The following TRIML1 variants were observed in gnomAD, a reference collection of about 807,000 sequenced individuals.
TRIML1 encodes the protein tripartite motif family like 1.
A neutral mutation model predicts 32.3 loss-of-function variants in TRIML1; 34 were observed. The observed-to-expected ratio is 1.05, with a 90% CI of 0.80 to 1.40. The LOEUF is 1.40. TRIML1 is among the 40% of genes most tolerant of loss of function. The pLI, the probability that TRIML1 is intolerant of heterozygous loss-of-function variation, is 0.00. For missense variants in TRIML1, 595 were observed against 574.9 expected (o/e 1.03, Z -0.36); for synonymous variants, 244 against 226.6 (o/e 1.08, Z -0.69).
Position 188,142,487 on chromosome 4 carries a change from G to T in TRIML1, c.735+5G>T. 6.2e-7 allele frequency: 1 copy of T among 1,607,380 alleles called. No homozygotes were observed. The highest frequency in any genetic ancestry group is 8.5e-7 in the Non-Finnish European group (1 of 1,174,824). On this transcript the variant is annotated splice_donor_5th_base_variant and intron_variant, in intron 3 of 5. Transcript: ENST00000332517. ...TCGGCTTTCGAATCTCTTGAGGTGA[G>T]AATAACATTCATGAGAGTAATGGGA...
chr4:188,144,080 A>T lies in TRIML1; in HGVS notation c.803A>T (p.Glu268Val). 6.2e-7 allele frequency: 1 copy of T among 1,614,078 alleles called. No individual in the cohort carries two copies. The highest frequency in any genetic ancestry group is 8.5e-7 in the Non-Finnish European group (1 of 1,180,026). Residue 268 changes from glutamate (E) to valine (V), a missense_variant, in exon 5 of 6, where the codon GAG becomes GTG. Transcript: ENST00000332517. ...CAGTGTCCAGAGGCCACCACCACAG[A>T]GCTGAGTCTGTGCCGCATCACGGGA... ...LLQCPEATTT[E>V]LSLCRITGMK...
chr4:188,147,313 C>G lies in TRIML1; in HGVS notation c.1348C>G (p.Pro450Ala), dbSNP rs1735124716. Residue 450 changes from proline (P) to alanine (A), a missense_variant, in exon 6 of 6, where the codon CCA becomes GCA. By Grantham distance (27) the Pro-to-Ala change is conservative. Transcript: ENST00000332517. ...ALRPIFSPCL[P>A]NEGTNTDPLT... ...CAGGCCTATCTTTTCCCCCTGCCTC[C>G]CAAATGAGGGGACAAACACAGACCC... is the stretch of plus-strand genomic sequence containing the variant. The G allele has an allele frequency of 6.5e-7, 1 of 1,535,604 alleles. No homozygotes were observed. The highest frequency in any genetic ancestry group is 1.4e-5 in the African/African-American group (1 of 72,266).
upstream of TRIML1, chr4:188,139,435 T>C (rs1267031678): frequency 8.5e-6 from 8 of 941,710 alleles, no homozygotes; most frequent in Non-Finnish European, 1.1e-5. Context: ...GAGATAAGGG[T>C]TTCTTGTCAT....
rs61461219 is a variant in TRIML1, at chr4:188,142,207, C to CGTGTGTGTGTGTGT, written c.505-22_505-9dup. ...GGCATTTCTCTTACTAACTTTATCT[C>CGTGTGTGTGTGTGT]GTGTGTGTGTGTGTGTGTGTGTGTG... On this transcript the variant is annotated intron_variant, in intron 2 of 5. Transcript: ENST00000332517. 1,304 of 1,014,696 alleles carry CGTGTGTGTGTGTGT rather than the reference C, an allele frequency of 1.3e-3. 18 individuals are homozygous for CGTGTGTGTGTGTGT. The African/African-American group carries it at 0.021, about 17-fold the overall frequency. The allele number at this position is 1,014,696 out of a possible 1,614,324, so 62.9% of individuals were successfully genotyped here. A position where few individuals can be genotyped will look rare whatever the true frequency, so the allele number is the denominator to read the frequency against.
chr4:188,139,885 G>T lies in TRIML1; in HGVS notation c.327G>T (p.Glu109Asp). The change falls in exon 1 of 6, where the codon GAG becomes GAT. Residue 109 changes from glutamate (E) to aspartate (D), a missense_variant. By Grantham distance (45) the Glu-to-Asp change is conservative. Coordinates refer to ENST00000332517, the MANE Select transcript of TRIML1 (RefSeq NM_178556.5). The part of the protein sequence containing the change: ...PTTAKALSDD[E>D]QGGSAFVAQS... ...CTGCCAAGGCGCTCTCCGATGACGA[G>T]CAGGGTGGAAGCGCCTTCGTAGCCC... The T allele has an allele frequency of 6.2e-7, 1 of 1,613,886 alleles. No individual in the cohort carries two copies. Among genetic ancestry groups the T allele is most frequent in the Non-Finnish European group, 8.5e-7 (1 of 1,180,034 alleles).
intron 3 of TRIML1, chr4:188,143,481 G>T (rs2111231346): frequency 3.2e-6 from 1 of 312,048 alleles, no homozygotes; most frequent in South Asian, 3.3e-5. Context: ...CCTGACACAG[G>T]CTTGGTTAGC....
rs893470878 is a variant in TRIML1 at position 188,147,335 on chromosome 4, A to C, written c.1370A>C (p.Asp457Ala). ...PCLPNEGTNT[D>A]PLTICSLNSH... ...CTCCCAAATGAGGGGACAAACACAGACCCTCTCACCATCTGCTCACTGAAC... is the reference window on the plus strand; with the variant it reads ...CTCCCAAATGAGGGGACAAACACAGCCCCTCTCACCATCTGCTCACTGAAC... Residue 457 changes from aspartate to alanine, a missense_variant, in exon 6 of 6, where the codon GAC becomes GCC. Asp to Ala is a moderately radical substitution (Grantham distance 126). Transcript: ENST00000332517. 6.6e-7 allele frequency: 1 copy of C among 1,514,392 alleles called. No individual in the cohort carries two copies. Among genetic ancestry groups the C allele is most frequent in the Non-Finnish European group, 8.8e-7 (1 of 1,133,124 alleles). 93.8% of individuals were successfully genotyped at this position (1,514,392 alleles called of 1,614,324 possible).
At position 188,147,392 on chromosome 4, in the gene TRIML1, C is replaced by G. The variant is rs756445437; in HGVS notation, c.*20C>G. ...GTCTGAGGGGCGTGCCCTGAGCCGT[C>G]ACAGCGGGCGATGTCTGAGACCAAG... On this transcript the variant is annotated 3_prime_UTR_variant, in exon 6 of 6. Coordinates refer to ENST00000332517, the MANE Select transcript of TRIML1 (RefSeq NM_178556.5). 5 of 1,460,852 alleles carry G rather than the reference C, an allele frequency of 3.4e-6. No individual in the cohort carries two copies. In the South Asian group the frequency reaches 7.8e-5, roughly 23 times the overall value. 90.5% of individuals were successfully genotyped at this position (1,460,852 alleles called of 1,614,324 possible).
Position 188,139,974 on chromosome 4 carries a change from A to T in TRIML1, c.408+8A>T, listed in dbSNP as rs760915322. On this transcript the variant is annotated splice_region_variant and intron_variant, in intron 1 of 5. Transcript: ENST00000332517. ...GCTGAGGAGCATCACAGAGTAAGAC[A>T]GCTGCTCAGCATGAACCCCACGACT... is the stretch of plus-strand genomic sequence containing the variant. 1 of 1,591,888 alleles carries T rather than the reference A, an allele frequency of 6.3e-7. No individual in the cohort carries two copies. Among genetic ancestry groups the T allele is most frequent in the East Asian group, 2.2e-5 (1 of 44,562 alleles).
intron 2 of TRIML1, 45 bp from the exon 3 acceptor site, chr4:188,142,207 C>CGTGT (rs61461219): frequency 0.077 from 77,242 of 1,000,708 alleles, 1,148 homozygotes; most frequent in Admixed American, 0.1. Flanking sequence ...AACTTTATCT[C>CGTGT]GTGTGTGTGT....
intron 3 of TRIML1, 148 bp from the exon 4 acceptor site, chr4:188,143,690 C>A: frequency 1.1e-6 from 1 of 890,488 alleles, no homozygotes; most frequent in Non-Finnish European, 1.8e-6. Context: ...AAACTGGGGA[C>A]GCTTTTCTCT....
intron 2 of TRIML1, among the ~76,000 whole-genome samples, chr4:188,141,836 G>A (rs907394634): frequency 2.0e-5 from 3 of 152,042 alleles, no homozygotes; most frequent in Non-Finnish European, 4.4e-5. Context: ...GACTTGGCCA[G>A]GCATGGTGGC....
downstream of TRIML1, among the ~76,000 whole-genome samples, chr4:188,149,100 T>TA (rs1396864673): frequency 6.6e-6 from 1 of 151,390 alleles, no homozygotes; most frequent in African/African-American, 2.4e-5. Context: ...TTTTTTTTTT[T>TA]AGTAGAGACG....
At chr4:188,149,161 C>T (rs1166069219), downstream of TRIML1, among the ~76,000 whole-genome samples, 3 of 151,452 alleles carry the variant, frequency 2.0e-5, no homozygotes, top group Non-Finnish European at 4.4e-5. Context: ...CCTCGTGATC[C>T]ACCCGCCTCC....
Position 188,146,883 on chromosome 4 carries a change from G to T in TRIML1, c.918G>T (p.Lys306Asn), listed in dbSNP as rs747228509. Reference sequence around the variant, plus strand: ...ATCTCGTGTTGTCGGAGGATCTGAAGAGTGTGAAATATGGGGGAAGCAGAC... The same window carrying T: ...ATCTCGTGTTGTCGGAGGATCTGAATAGTGTGAAATATGGGGGAAGCAGAC... ...NAYLVLSEDL[K>N]SVKYGGSRQQ... The change falls in exon 6 of 6, where the codon AAG becomes AAT. Residue 306 changes from lysine (K) to asparagine (N), a missense_variant. Transcript: ENST00000332517. The T allele has an allele frequency of 1.3e-6, 2 of 1,487,672 alleles. No homozygotes were observed. The highest frequency in any genetic ancestry group is 1.4e-5 in the African/African-American group (1 of 70,974). 92.2% of individuals were successfully genotyped at this position (1,487,672 alleles called of 1,614,324 possible).
Position 188,140,550 on chromosome 4 carries a change from A to G in TRIML1, c.431A>G (p.Asn144Ser). 1 of 1,614,086 alleles carries G rather than the reference A, an allele frequency of 6.2e-7. No individual in the cohort carries two copies. Among genetic ancestry groups the G allele is most frequent in the Non-Finnish European group, 8.5e-7 (1 of 1,179,938 alleles). ...HHREKLQEIL[N>S]LLRVRRKEAQ... ...CAGGAGAAACTCCAGGAAATCCTGA[A>G]TCTTTTGCGTGTAAGGAGAAAGGAA... is the stretch of plus-strand genomic sequence containing the variant. The change falls in exon 2 of 6, where the codon AAT becomes AGT. Residue 144 changes from asparagine (N) to serine (S), a missense_variant. Physicochemically the swap from Asn to Ser is conservative, Grantham distance 46. Transcript: ENST00000332517.
chr4:188,140,473 C>G (rs1734811014), intron 1 of TRIML1, 55 bp from the exon 2 acceptor site: 2 of 1,435,338 alleles, frequency 1.4e-6, no homozygotes, highest in Non-Finnish European at 2.0e-6. Context: ...CTTCAAAGCC[C>G]CTTCATGACC....
Position 188,146,823 on chromosome 4 carries a change from G to A in TRIML1, c.858G>A (p.Thr286=), listed in dbSNP as rs760688420. Residue 286 remains threonine (T), a splice_region_variant and synonymous_variant, in exon 6 of 6, where the codon ACG becomes ACA. Transcript: ENST00000332517. ...ATCTCTTCTTTCCTCCTCTTGCAGC[G>A]GAGATAACGCTGGACCCAGCCACAG... The part of the protein sequence containing the change: ...GMKEMLRKFS[T]EITLDPATAN... The A allele has an allele frequency of 9.6e-6, 13 of 1,357,398 alleles. No individual in the cohort carries two copies. Among genetic ancestry groups the A allele is most frequent in the African/African-American group, 1.5e-5 (1 of 67,668 alleles). 84.1% of individuals were successfully genotyped at this position (1,357,398 alleles called of 1,614,324 possible).
In TRIML1 at chr4:188,144,396, TCC is replaced by T. The variant is rs571321421; in HGVS notation, c.856+264_856+265del. The stretch of plus-strand genomic sequence containing the variant: ...TTTTTTCTTTGAGACGGAGTCTCAC[TCC>T]GTGTCCCGGGCTGGAGCGCAGGGGC... On this transcript the variant is annotated intron_variant, in intron 5 of 5. Coordinates refer to ENST00000332517, the MANE Select transcript of TRIML1 (RefSeq NM_178556.5). 2.9e-3 allele frequency among the ~76,000 whole-genome samples: 430 copies of T among 147,948 alleles called. 2 individuals carry two copies. Among genetic ancestry groups the T allele is most frequent in the African/African-American group, 0.01 (415 of 40,204 alleles).
Sources: allele counts gnomAD v4.1 joint callset (sites outside exome capture counted in the v4.1 genomes callset), GRCh38; gene constraint gnomAD v4.1.1; transcripts MANE v1.5; gene names NCBI Gene and HGNC (gene_info 2026-07-23, HGNC 2026-07-21).